PTPRN2: variants seen among roughly 807,000 people sequenced by gnomAD.
PTPRN2 encodes the protein receptor-type tyrosine-protein phosphatase N2.
Under a neutral mutation model 118.8 loss-of-function variants are expected in PTPRN2, and 74 were observed. The ratio of observed to expected loss-of-function variants is 0.62; its 90% CI spans 0.52 to 0.76. The LOEUF (loss-of-function observed/expected upper bound fraction) is 0.76. Ranked by LOEUF, PTPRN2 falls within the 30% of genes least tolerant of loss-of-function variation. The probability of loss-of-function intolerance (pLI) is 0.00; values close to 1 mark genes in which losing one functional copy is unlikely to be tolerated. For missense variants in PTPRN2, 1,481 were observed against 1,394.4 expected (o/e 1.06, Z -0.99); for synonymous variants, 641 against 608.0 (o/e 1.05, Z -0.80).
chr7:158,080,029 C>T (rs749880965), intron 11 of PTPRN2, among the ~76,000 whole-genome samples: 3 of 152,106 alleles, frequency 2.0e-5, no homozygotes, highest in Non-Finnish European at 2.9e-5. Flanking sequence ...AAATTCTCAG[C>T]CCCCTAAATC....
chr7:158,554,304 AG>A (rs749874006), intron 1 of PTPRN2, among the ~76,000 whole-genome samples: 24 of 152,328 alleles, frequency 1.6e-4, no homozygotes, highest in Non-Finnish European at 2.6e-4. Flanking sequence ...GAAACCAGAG[AG>A]GGTCCTTGTG....
intron 11 of PTPRN2, among the ~76,000 whole-genome samples, chr7:157,919,398 T>G (rs113872826): frequency 6.6e-6 from 1 of 152,028 alleles, no homozygotes; most frequent in Non-Finnish European, 1.5e-5. Flanking sequence ...CTGTGGGAGA[T>G]ACCGAAATGA....
Position 158,555,424 on chromosome 7 carries a change from G to A in PTPRN2, c.112+32134C>T, listed in dbSNP as rs1025911347. 1.5e-4 allele frequency among the ~76,000 whole-genome samples: 23 copies of A among 152,262 alleles called. No individual in the cohort carries two copies. The highest frequency in any genetic ancestry group is 5.5e-4 in the African/African-American group (23 of 41,554). On this transcript the variant is annotated intron_variant, in intron 1 of 22. Transcript: ENST00000389418. This position sits in a 1 kb window ranked among gnomAD's most constrained non-coding sequence, Gnocchi z 4.7. ...CCCCTCGCCCCCACCGCTCTGCCCT[G>A]CCTTCCTCGCTGAAACCTCCCAACA...
intron 1 of PTPRN2, among the ~76,000 whole-genome samples, chr7:158,522,990 A>C (rs1207956826): frequency 1.3e-5 from 2 of 152,236 alleles, no homozygotes. Context: ...AATTTCAAGA[A>C]TAGCCAAGGG....
chr7:158,451,238 C>G (rs1432919865), intron 2 of PTPRN2, among the ~76,000 whole-genome samples: 1 of 152,180 alleles, frequency 6.6e-6, no homozygotes, highest in Non-Finnish European at 1.5e-5. Context: ...AACGTGAGAT[C>G]TTTGTCGGTT....
At chr7:158,027,580 C>G (rs573468045) in intron 11 of PTPRN2, 4 of 152,388 alleles carry the variant, frequency 2.6e-5, no homozygotes, top group African/African-American at 7.2e-5. Flanking sequence ...TCTATCCTGA[C>G]ACGATGCTCC....
rs1048970355 is a variant in PTPRN2, at chr7:157,609,419, A to T, written c.2345-5344T>A. 1.3e-5 allele frequency among the ~76,000 whole-genome samples: 2 copies of T among 152,184 alleles called. No homozygotes were observed. Among genetic ancestry groups the T allele is most frequent in the African/African-American group, 4.8e-5 (2 of 41,444 alleles). ...TTTTTTAAATATAAAAAAAAAGAGT[A>T]TTTCAAATTTCTCAGATGTTCCATA... On this transcript the variant is annotated intron_variant, in intron 15 of 22. Transcript: ENST00000389418. The surrounding 1 kb of genome is among the most constrained non-coding windows in gnomAD (Gnocchi z 4.9).
At chr7:157,549,060 A>G (rs759324212) in intron 21 of PTPRN2, 41 bp from the exon 22 acceptor site, 43 of 1,575,704 alleles carry the variant, frequency 2.7e-5, no homozygotes, top group Non-Finnish European at 3.8e-5. Context: ...AGAGCACAAG[A>G]TAATCCATGC....
At chr7:157,922,718 T>C (rs1364765423) in intron 11 of PTPRN2, among the ~76,000 whole-genome samples, 3 of 152,198 alleles carry the variant, frequency 2.0e-5, no homozygotes, top group African/African-American at 2.4e-5. Context: ...TCGTCTTTAT[T>C]ATTCATTAGC....
At chr7:158,150,868 A>T (rs550545486) in intron 6 of PTPRN2, among the ~76,000 whole-genome samples, 1 of 151,768 alleles carries the variant, frequency 6.6e-6, no homozygotes, top group South Asian at 2.1e-4. Flanking sequence ...TGTTCTTCCA[A>T]CCCAACGTGC....
At chr7:157,856,330 T>G (rs1809710148) in intron 12 of PTPRN2, among the ~76,000 whole-genome samples, 1 of 152,266 alleles carries the variant, frequency 6.6e-6, no homozygotes, top group Non-Finnish European at 1.5e-5. Flanking sequence ...ATATTCATTT[T>G]CAAAATGTGC....
chr7:158,325,424 T>A (rs961736088), intron 2 of PTPRN2, among the ~76,000 whole-genome samples: 12 of 152,240 alleles, frequency 7.9e-5, no homozygotes, highest in African/African-American at 2.9e-4. Flanking sequence ...TGGGAATTAA[T>A]GAATACAATA....
intron 2 of PTPRN2, among the ~76,000 whole-genome samples, chr7:158,469,683 A>G (rs1167039253): frequency 1.3e-5 from 2 of 150,576 alleles, no homozygotes; most frequent in Non-Finnish European, 2.9e-5. Flanking sequence ...AATCATTAAA[A>G]ACACCAAAGA....
At chr7:158,469,735 CAAAA>C (rs56040599) in intron 2 of PTPRN2, among the ~76,000 whole-genome samples, 19 of 67,514 alleles carry the variant, frequency 2.8e-4, no homozygotes, top group African/African-American at 7.6e-4. Context: ...AAAACCTGGC[CAAAA>C]AAAAAAAAAA....
Position 158,326,717 on chromosome 7 carries a change from CACAT to C in PTPRN2, c.164-9789_164-9786del, listed in dbSNP as rs934419093. ...ATGCACACATCCTCACACATGCTCT[CACAT>C]GCATACATTCTCACACACATGCACA... On this transcript the variant is annotated intron_variant, in intron 2 of 22. Coordinates refer to ENST00000389418, the MANE Select transcript of PTPRN2 (RefSeq NM_002847.5). Among the ~76,000 whole-genome samples the C allele has an allele frequency of 7.9e-5, 12 of 151,616 alleles. 1 individual carries two copies. Among genetic ancestry groups the C allele is most frequent in the Admixed American group, 5.9e-4 (9 of 15,224 alleles).
In PTPRN2 at chr7:157,944,919, C is replaced by G. The variant is rs976345642; in HGVS notation, c.1724-46182G>C. Among the ~76,000 whole-genome samples the G allele has an allele frequency of 6.6e-6, 1 of 152,206 alleles. No homozygotes were observed. Among genetic ancestry groups the G allele is most frequent in the Non-Finnish European group, 1.5e-5 (1 of 68,036 alleles). ...TCCTGAATCCTGCCTAGTATTTATA[C>G]AGTAAACAGAGACTCTGAAATAAAC... On this transcript the variant is annotated intron_variant, in intron 11 of 22. Coordinates refer to ENST00000389418, the MANE Select transcript of PTPRN2 (RefSeq NM_002847.5). The surrounding 1 kb of genome is among the most constrained non-coding windows in gnomAD (Gnocchi z 4.3).
intron 11 of PTPRN2, among the ~76,000 whole-genome samples, chr7:157,930,939 G>T (rs866248476): frequency 6.6e-6 from 1 of 151,766 alleles, no homozygotes; most frequent in African/African-American, 2.4e-5. Flanking sequence ...CCAGCTTCCC[G>T]CTGTAGCAGC....
chr7:158,268,463 G>A (rs1463299701), intron 3 of PTPRN2, among the ~76,000 whole-genome samples: 2 of 143,384 alleles, frequency 1.4e-5, no homozygotes, highest in Non-Finnish European at 1.5e-5. Context: ...TATCCCAGCT[G>A]CACACACACA....
chr7:158,584,028 G>A (rs1415740076), intron 1 of PTPRN2, among the ~76,000 whole-genome samples: 1 of 152,172 alleles, frequency 6.6e-6, no homozygotes, highest in Non-Finnish European at 1.5e-5. Context: ...CTCTGTGTGG[G>A]CTCCCTGGTG....
Sources: allele counts gnomAD v4.1 joint callset (sites outside exome capture counted in the v4.1 genomes callset), GRCh38; gene constraint gnomAD v4.1.1; non-coding constraint Gnocchi (gnomAD v3.1); transcripts MANE v1.5; gene names NCBI Gene and HGNC (gene_info 2026-07-23, HGNC 2026-07-21).